Variants in UBP1 observed in about 807,000 individuals in gnomAD.
UBP1 encodes the protein upstream binding protein 1.
UBP1 carries 22 observed loss-of-function variants against 76.1 expected under a neutral mutation model. The observed-to-expected ratio is 0.29, with a 90% CI of 0.21 to 0.41. The LOEUF (loss-of-function observed/expected upper bound fraction) is 0.41. Ranked by LOEUF, UBP1 falls within the 10% of genes least tolerant of loss-of-function variation. The pLI is 1.00. For missense variants in UBP1, 436 were observed against 668.1 expected (o/e 0.65, Z 3.83); for synonymous variants, 224 against 237.1 (o/e 0.94, Z 0.51).
intron 15 of UBP1, chr3:33,391,484 T>C (rs2154054149): frequency 6.6e-6 from 1 of 152,328 alleles, no homozygotes; most frequent in East Asian, 1.9e-4. Context: ...TTTCCAAATT[T>C]ACATCTCAAG....
At chr3:33,409,376 T>C (rs2044513462) in intron 6 of UBP1, 30 bp from the exon 7 acceptor site, 1 of 1,613,976 alleles carries the variant, frequency 6.2e-7, no homozygotes, top group Non-Finnish European at 8.5e-7. Context: ...ATTTCATCTA[T>C]CAGGCTGCAG....
At chr3:33,402,672 A>C in intron 9 of UBP1, 129 bp downstream of exon 9, 1 of 597,022 alleles carries the variant, frequency 1.7e-6, no homozygotes, top group Admixed American at 3.9e-5. Context: ...ACCAAGATAC[A>C]GGATACTTCC....
At chr3:33,403,256 G>C (rs1454762297) in intron 8 of UBP1, 1 of 235,296 alleles carries the variant, frequency 4.2e-6, no homozygotes, top group Non-Finnish European at 8.4e-6. Context: ...CACCTATCAA[G>C]ATTTAAGAAT....
intron 2 of UBP1, among the ~76,000 whole-genome samples, chr3:33,418,106 C>A (rs1361814602): frequency 6.6e-6 from 1 of 151,948 alleles, no homozygotes; most frequent in African/African-American, 2.4e-5. Context: ...ATTCTGAAAA[C>A]AGAAATAATT....
chr3:33,425,075 T>G (rs1227475400), intron 2 of UBP1, among the ~76,000 whole-genome samples: 1 of 151,790 alleles, frequency 6.6e-6, no homozygotes, highest in African/African-American at 2.4e-5. Flanking sequence ...CCCCCACATC[T>G]CTATTTTCCC....
chr3:33,401,081 A>G (rs1388837605), intron 9 of UBP1, 65 bp from the exon 10 acceptor site: 11 of 1,450,382 alleles, frequency 7.6e-6, no homozygotes, highest in East Asian at 2.5e-5. Flanking sequence ...TAATCAAGGC[A>G]TTAAAAGCTG....
intron 11 of UBP1, among the ~76,000 whole-genome samples, chr3:33,399,978 G>C (rs1249328504): frequency 6.6e-6 from 1 of 152,170 alleles, no homozygotes; most frequent in Admixed American, 6.5e-5. Context: ...ACTGCTGACT[G>C]AACCAATGTC....
chr3:33,404,407 A>T (rs1375868926), intron 8 of UBP1, among the ~76,000 whole-genome samples: 1 of 151,896 alleles, frequency 6.6e-6, no homozygotes, highest in Non-Finnish European at 1.5e-5. Context: ...GCGAGATTCC[A>T]TCTCAAAAAA....
At chr3:33,438,203 T>G (rs190615595) in intron 1 of UBP1, among the ~76,000 whole-genome samples, 1 of 152,300 alleles carries the variant, frequency 6.6e-6, no homozygotes, top group East Asian at 1.9e-4. Flanking sequence ...AATCACTAAA[T>G]CAAAGTACAG....
At chr3:33,438,004 C>A (rs2045229685) in intron 1 of UBP1, among the ~76,000 whole-genome samples, 1 of 151,880 alleles carries the variant, frequency 6.6e-6, no homozygotes, top group Non-Finnish European at 1.5e-5. Flanking sequence ...GATTAAATGA[C>A]ACAACCAAAA....
chr3:33,416,273 G>T lies in UBP1; in HGVS notation c.342+485C>A, dbSNP rs563191014. ...GATACAGGCTAGGAGGGGCCAGGGGGCAGGGATGGTTCTGAGGATACATCC... is the reference window on the plus strand; with the variant it reads ...GATACAGGCTAGGAGGGGCCAGGGGTCAGGGATGGTTCTGAGGATACATCC... On this transcript the variant is annotated intron_variant, in intron 3 of 15. Transcript: ENST00000283629. Among the ~76,000 whole-genome samples the T allele has an allele frequency of 2.6e-5, 4 of 152,298 alleles. No homozygotes were observed. In the South Asian group the frequency reaches 8.3e-4, roughly 32 times the overall value.
At chr3:33,392,636 G>GT (rs1333847956) in intron 14 of UBP1, 22 bp from the exon 15 acceptor site, 2 of 1,588,502 alleles carry the variant, frequency 1.3e-6, no homozygotes, top group Admixed American at 3.5e-5. Flanking sequence ...AAGTAAATGC[G>GT]TAAGTACAAT....
chr3:33,390,627 G>A (rs902956133), intron 15 of UBP1: 3 of 532,562 alleles, frequency 5.6e-6, no homozygotes, highest in Admixed American at 6.3e-5. Context: ...CCAGTTCTGG[G>A]GGTAGGGGGA....
At chr3:33,415,399 G>A (rs1159625124) in intron 3 of UBP1, among the ~76,000 whole-genome samples, 1 of 152,152 alleles carries the variant, frequency 6.6e-6, no homozygotes, top group Non-Finnish European at 1.5e-5. Flanking sequence ...TTACAAATTA[G>A]TAAATTCTAT....
At chr3:33,430,565 A>C (rs1193390844) in intron 1 of UBP1, among the ~76,000 whole-genome samples, 1 of 152,240 alleles carries the variant, frequency 6.6e-6, no homozygotes, top group Non-Finnish European at 1.5e-5. Flanking sequence ...ATCCAGTTCC[A>C]GATTTTGTCT....
intron 1 of UBP1, among the ~76,000 whole-genome samples, chr3:33,429,599 G>C (rs1295482026): frequency 6.6e-6 from 1 of 152,134 alleles, no homozygotes; most frequent in Non-Finnish European, 1.5e-5. Context: ...AAAGTGCTGG[G>C]ATTACAGGCA....
chr3:33,396,857 C>T (rs1003334005), intron 12 of UBP1, 188 bp downstream of exon 12: 1 of 691,742 alleles, frequency 1.4e-6, no homozygotes, highest in African/African-American at 1.8e-5. Flanking sequence ...TCATCAGTGC[C>T]TGCATCATAT....
chr3:33,412,887 A>G (rs1394465234), intron 3 of UBP1, 60 bp from the exon 4 acceptor site: 47 of 1,083,246 alleles, frequency 4.3e-5, no homozygotes, highest in Non-Finnish European at 5.6e-5. Flanking sequence ...ATGCAGGACC[A>G]TTTCTACTTC....
At chr3:33,396,497 T>C (rs572418758) in intron 12 of UBP1, 3 of 512,764 alleles carry the variant, frequency 5.9e-6, no homozygotes, top group Middle Eastern at 1.0e-3. Context: ...CTCTAAACCA[T>C]TGAGATGGTC....
Sources: allele counts gnomAD v4.1 joint callset (sites outside exome capture counted in the v4.1 genomes callset), GRCh38; gene constraint gnomAD v4.1.1; transcripts MANE v1.5; gene names NCBI Gene and HGNC (gene_info 2026-07-23, HGNC 2026-07-21).